The following NRP2 variants were observed in gnomAD, a reference collection of about 807,000 sequenced individuals.
NRP2 encodes neuropilin-2.
A neutral mutation model predicts 110.4 loss-of-function variants in NRP2; 52 were observed. The ratio of observed to expected loss-of-function variants is 0.47; its 90% CI spans 0.38 to 0.59. NRP2 has a LOEUF of 0.59. NRP2 is among the 20% of genes least tolerant of loss of function. The pLI, the probability that NRP2 is intolerant of heterozygous loss-of-function variation, is 0.00. For synonymous variants in NRP2, 508 were observed against 468.9 expected, an observed-to-expected ratio of 1.08 and a Z score of -1.08; for missense variants, 1,049 against 1,203.0, an observed-to-expected ratio of 0.87 and a Z score of 1.89.
chr2:205,778,929 A>T (rs1437527060), intron 15 of NRP2: 3 of 152,160 alleles, frequency 2.0e-5, no homozygotes, highest in African/African-American at 7.2e-5. Flanking sequence ...CTACCCCAGC[A>T]ATTTTCATAG....
chr2:205,795,711 A>C lies in NRP2; in HGVS notation c.*653A>C, dbSNP rs2058346486. On this transcript the variant is annotated 3_prime_UTR_variant, in exon 17 of 17. Coordinates refer to ENST00000357785, the MANE Select transcript of NRP2 (RefSeq NM_003872.3). ...CCTTTAACTTTTCTTATCCAGGGGA[A>C]AATTGCCATTTTAGGGTCAGCATGA... The C allele has an allele frequency of 6.6e-6, 1 of 152,660 alleles. No homozygotes were observed. The highest frequency in any genetic ancestry group is 2.4e-5 in the African/African-American group (1 of 41,460). 9.5% of individuals were successfully genotyped at this position (152,660 alleles called of 1,614,324 possible).
At chr2:205,683,493 T>A (rs2056063277) in intron 1 of NRP2, 130 bp downstream of exon 1, 1 of 721,884 alleles carries the variant, frequency 1.4e-6, no homozygotes, top group African/African-American at 1.8e-5. Flanking sequence ...TAAAGAGAGA[T>A]CCCAGCCGGC....
intron 12 of NRP2, among the ~76,000 whole-genome samples, chr2:205,757,926 T>G (rs1239811039): frequency 6.6e-6 from 1 of 151,068 alleles, no homozygotes; most frequent in East Asian, 1.9e-4. Context: ...AAATCATGAT[T>G]GGTTGAGTCC....
chr2:205,737,121 GTTA>G (rs1250044932), intron 7 of NRP2, among the ~76,000 whole-genome samples: 1 of 152,178 alleles, frequency 6.6e-6, no homozygotes, highest in African/African-American at 2.4e-5. Flanking sequence ...ATTACTCTTT[GTTA>G]TTAATAATTT....
In NRP2 at chr2:205,743,720, A is replaced by T. The variant is rs2057487334; in HGVS notation, c.1641+168A>T. 3.7e-6 allele frequency: 5 copies of T among 1,334,678 alleles called. No homozygotes were observed. In the South Asian group the frequency reaches 7.8e-5, roughly 21 times the overall value. 82.7% of individuals were successfully genotyped at this position (1,334,678 alleles called of 1,614,324 possible). A position where few individuals can be genotyped will look rare whatever the true frequency, so the allele number is the denominator to read the frequency against. ...ATTACTTTGTGCCAGGCACTGTGCT[A>T]AATACCTTATTTCTGACTCTTTTGT... On this transcript the variant is annotated intron_variant, in intron 9 of 16. Coordinates refer to ENST00000357785, the MANE Select transcript of NRP2 (RefSeq NM_003872.3).
Position 205,756,341 on chromosome 2 carries a change from G to A in NRP2, c.2044+3366G>A, listed in dbSNP as rs976715163. 5.3e-4 allele frequency: 81 copies of A among 152,090 alleles called. 1 individual carries two copies. Among genetic ancestry groups the A allele is most frequent in the Admixed American group, 2.5e-3 (38 of 15,278 alleles). 9.4% of individuals were successfully genotyped at this position (152,090 alleles called of 1,614,324 possible). The stretch of plus-strand genomic sequence containing the variant: ...GGAAGCACCCCCTTACTAGGAGATG[G>A]CATGTTTCCTACATTCTCAGGTGCT... On this transcript the variant is annotated intron_variant, in intron 12 of 16. Coordinates refer to ENST00000357785, the MANE Select transcript of NRP2 (RefSeq NM_003872.3).
intron 2 of NRP2, among the ~76,000 whole-genome samples, chr2:205,709,723 A>G (rs544844866): frequency 6.6e-6 from 1 of 152,312 alleles, no homozygotes; most frequent in Admixed American, 6.5e-5. Context: ...AATTTCGGCA[A>G]ACAAAGATAG....
chr2:205,775,506 AT>A (rs1158758306), intron 15 of NRP2, among the ~76,000 whole-genome samples: 5 of 151,894 alleles, frequency 3.3e-5, no homozygotes, highest in South Asian at 2.1e-4. Context: ...TTGTGCCCAC[AT>A]TTTTTTTGTT....
At chr2:205,778,368 T>G (rs1358021618) in intron 15 of NRP2, 1 of 152,140 alleles carries the variant, frequency 6.6e-6, no homozygotes, top group Non-Finnish European at 1.5e-5. Flanking sequence ...CTTACTCTAT[T>G]TCAAAGAGCT....
At chr2:205,739,666 T>C (rs1463079307) in intron 7 of NRP2, among the ~76,000 whole-genome samples, 3 of 150,366 alleles carry the variant, frequency 2.0e-5, no homozygotes, top group East Asian at 2.0e-4. Context: ...AACTCACATA[T>C]ACTTTGCTCT....
chr2:205,720,639 T>G (rs2056992004), intron 3 of NRP2, among the ~76,000 whole-genome samples: 1 of 152,230 alleles, frequency 6.6e-6, no homozygotes, highest in Non-Finnish European at 1.5e-5. Context: ...GCATGAAGAA[T>G]GCTGCACAGC....
intron 1 of NRP2, among the ~76,000 whole-genome samples, chr2:205,692,610 A>C (rs889490493): frequency 2.6e-5 from 4 of 152,336 alleles, no homozygotes; most frequent in Admixed American, 6.5e-5. Flanking sequence ...CCACAGACTC[A>C]GTTACAAAAA....
chr2:205,781,761 C>T (rs916708934), intron 15 of NRP2, among the ~76,000 whole-genome samples: 3 of 152,036 alleles, frequency 2.0e-5, no homozygotes, highest in Non-Finnish European at 4.4e-5. Flanking sequence ...ACAAATCCAA[C>T]CAGAGAAAAA....
At chr2:205,734,407 C>CT (rs2057304263) in intron 7 of NRP2, among the ~76,000 whole-genome samples, 1 of 145,376 alleles carries the variant, frequency 6.9e-6, no homozygotes, top group Non-Finnish European at 1.5e-5. Flanking sequence ...CCGCCCCCCC[C>CT]CACCCCGCAT....
intron 2 of NRP2, chr2:205,700,822 G>A (rs878858349): frequency 1.2e-4 from 59 of 504,298 alleles, no homozygotes; most frequent in South Asian, 5.5e-4. Flanking sequence ...GCCACTTGCA[G>A]AAATGCAAAT....
At chr2:205,771,580 C>A (rs1302167663) in intron 15 of NRP2, among the ~76,000 whole-genome samples, 2 of 152,172 alleles carry the variant, frequency 1.3e-5, no homozygotes, top group African/African-American at 4.8e-5. Context: ...GTGACTCCCC[C>A]AGGTCCAGAT....
At position 205,798,114 on chromosome 2, in the gene NRP2, TA is replaced by T. The variant is rs1206871813; in HGVS notation, c.*3059del. ...AGCCTTTTTAAGATTACTATTTAAA[TA>T]AACATTATACCAGAGATATTTTTCT... On this transcript the variant is annotated 3_prime_UTR_variant, in exon 17 of 17. Transcript: ENST00000357785. 1 of 150,892 alleles carries T rather than the reference TA, an allele frequency of 6.6e-6. No individual in the cohort carries two copies. Among genetic ancestry groups the T allele is most frequent in the African/African-American group, 2.4e-5 (1 of 41,090 alleles). The allele number at this position is 150,892 out of a possible 1,614,324, so 9.3% of individuals were successfully genotyped here.
intron 15 of NRP2, among the ~76,000 whole-genome samples, chr2:205,789,891 T>C (rs1420514221): frequency 6.6e-6 from 1 of 152,218 alleles, no homozygotes; most frequent in Non-Finnish European, 1.5e-5. Flanking sequence ...CAAACACAGA[T>C]ATCAAGAATA....
At chr2:205,771,367 T>C (rs950067546) in intron 15 of NRP2, among the ~76,000 whole-genome samples, 1 of 152,232 alleles carries the variant, frequency 6.6e-6, no homozygotes, top group African/African-American at 2.4e-5. Flanking sequence ...AGCCAACCTT[T>C]TTCGTTTGTT....
Sources: gnomAD v4.1 joint callset for allele counts (sites outside exome capture counted in the v4.1 genomes callset) on GRCh38, gnomAD v4.1.1 for gene constraint, MANE v1.5 for transcripts, NCBI Gene and HGNC (gene_info 2026-07-23, HGNC 2026-07-21) for gene names.